STPG2: variants seen among roughly 807,000 people sequenced by gnomAD.
STPG2 encodes sperm tail PG-rich repeat containing 2, also known as sperm-tail PG-rich repeat-containing protein 2.
A neutral mutation model predicts 54.2 loss-of-function variants in STPG2; 56 were observed. The ratio of observed to expected loss-of-function variants is 1.03; its 90% confidence interval spans 0.83 to 1.29. The LOEUF is 1.29. STPG2 is among the 50% of genes most tolerant of loss of function. The pLI, the probability that STPG2 is intolerant of heterozygous loss-of-function variation, is 0.00. For missense variants in STPG2, 596 were observed against 544.9 expected, an observed-to-expected ratio of 1.09 and a Z score of -0.93; for synonymous variants, 200 against 181.8, an observed-to-expected ratio of 1.10 and a Z score of -0.81.
At chr4:97,601,557 G>A (rs1250581994) in intron 10 of STPG2, among the ~76,000 whole-genome samples, 1 of 151,734 alleles carries the variant, frequency 6.6e-6, no homozygotes, top group Non-Finnish European at 1.5e-5. Context: ...TGATCTGTAA[G>A]TGGGACTTAT....
chr4:97,795,711 AC>A (rs1727149032), intron 9 of STPG2, among the ~76,000 whole-genome samples: 1 of 152,180 alleles, frequency 6.6e-6, no homozygotes, highest in Non-Finnish European at 1.5e-5. Flanking sequence ...TTGGGTATAT[AC>A]CCAGTAATGG....
intron 9 of STPG2, among the ~76,000 whole-genome samples, chr4:97,784,179 G>A (rs1365184328): frequency 6.6e-6 from 1 of 151,604 alleles, no homozygotes; most frequent in Non-Finnish European, 1.5e-5. Flanking sequence ...CTATCAATCA[G>A]CCAAAAATGA....
intron 9 of STPG2, among the ~76,000 whole-genome samples, chr4:97,799,543 G>A (rs980547806): frequency 1.2e-4 from 19 of 152,144 alleles, no homozygotes; most frequent in Admixed American, 2.0e-4. Flanking sequence ...AGTTTCTGCC[G>A]AGAGATCCGC....
intron 5 of STPG2, among the ~76,000 whole-genome samples, chr4:97,998,368 C>T (rs1002318039): frequency 6.6e-6 from 1 of 152,182 alleles, no homozygotes; most frequent in South Asian, 2.1e-4. Context: ...TTACAGCCAA[C>T]CCCTCTGAGG....
intron 6 of STPG2, among the ~76,000 whole-genome samples, chr4:97,974,800 C>T (rs1478556128): frequency 3.3e-5 from 5 of 151,882 alleles, no homozygotes; most frequent in Admixed American, 6.6e-5. Flanking sequence ...TGCCCAGTCT[C>T]GGGAACGTCT....
chr4:98,125,399 T>G lies in STPG2; in HGVS notation c.387+3029A>C, dbSNP rs760147608. ...TGTTGATGTTGTTGTTGTTGCTGTT[T>G]GTTTGTCTCTTAACATCAGGGCCCT... On this transcript the variant is annotated intron_variant, in intron 3 of 10. Transcript: ENST00000295268. Among the ~76,000 whole-genome samples, 3 of 151,884 alleles carry G rather than the reference T, an allele frequency of 2.0e-5. No homozygotes were observed. In the East Asian group the frequency reaches 5.8e-4, roughly 29 times the overall value.
At chr4:98,108,570 G>A (rs943521324) in intron 4 of STPG2, among the ~76,000 whole-genome samples, 5 of 152,132 alleles carry the variant, frequency 3.3e-5, no homozygotes, top group African/African-American at 1.2e-4. Flanking sequence ...GGATAAAATG[G>A]AGAATTCTGG....
chr4:97,472,623 T>C (rs1729965357), intron 4 of STPG2, among the ~76,000 whole-genome samples: 1 of 152,194 alleles, frequency 6.6e-6, no homozygotes, highest in Admixed American at 6.5e-5. Context: ...ATTACCTAAT[T>C]ATTAACTGTG....
chr4:97,849,727 T>A (rs1729090003), intron 8 of STPG2, among the ~76,000 whole-genome samples: 1 of 151,708 alleles, frequency 6.6e-6, no homozygotes, highest in South Asian at 2.1e-4. Flanking sequence ...TGAGATACCA[T>A]CTCACACCAG....
At chr4:97,673,247 C>T (rs1488364231) in intron 10 of STPG2, among the ~76,000 whole-genome samples, 2 of 152,260 alleles carry the variant, frequency 1.3e-5, no homozygotes, top group South Asian at 4.1e-4. Context: ...AACAACAGCA[C>T]TTAACAATTT....
chr4:97,941,135 T>C (rs1432923496), intron 8 of STPG2, among the ~76,000 whole-genome samples: 2 of 152,106 alleles, frequency 1.3e-5, no homozygotes, highest in Non-Finnish European at 2.9e-5. Context: ...CACCATCTCC[T>C]AGCCTTGAAA....
At chr4:97,535,452 C>A (rs1731506882) in intron 4 of STPG2, among the ~76,000 whole-genome samples, 1 of 152,138 alleles carries the variant, frequency 6.6e-6, no homozygotes, top group South Asian at 2.1e-4. Context: ...GCAGTGAATT[C>A]TCTGAACTTT....
rs1480906079 is a variant in STPG2 at position 97,948,993 on chromosome 4, C to G, written c.934-4986G>C. On this transcript the variant is annotated intron_variant, in intron 7 of 10. Coordinates refer to ENST00000295268, the MANE Select transcript of STPG2 (RefSeq NM_174952.3). ...AATTTCTGTCTCAGTCATCTGTATA[C>G]TGCTGTCAATGGGGTGTTGAAGTCC... is the stretch of plus-strand genomic sequence containing the variant. Among the ~76,000 whole-genome samples, 4 of 152,012 alleles carry G rather than the reference C, an allele frequency of 2.6e-5. No individual in the cohort carries two copies. In the South Asian group the frequency reaches 6.2e-4, roughly 24 times the overall value.
intron 7 of STPG2, among the ~76,000 whole-genome samples, chr4:97,968,507 C>A (rs1734200109): frequency 6.6e-6 from 1 of 152,158 alleles, no homozygotes; most frequent in African/African-American, 2.4e-5. Context: ...AGACCAATAT[C>A]CCTGATGAAC....
chr4:97,823,596 T>G (rs577884476), intron 9 of STPG2, among the ~76,000 whole-genome samples: 2 of 152,204 alleles, frequency 1.3e-5, no homozygotes, highest in Non-Finnish European at 2.9e-5. Context: ...ACTCTGTGGA[T>G]TCACCTTGAA....
chr4:97,503,653 C>A (rs1046489092), intron 4 of STPG2, among the ~76,000 whole-genome samples: 2 of 150,812 alleles, frequency 1.3e-5, no homozygotes, highest in Non-Finnish European at 3.0e-5. Flanking sequence ...AATTATAATG[C>A]AAATATCTCC....
rs367952709 is a variant in STPG2, at chr4:97,877,373, C to A, written c.1045-36441G>T. ...TGAACACACATTTCTCAAAAGAAGA[C>A]ACATAAATAATGTATTAGTTCACTT... On this transcript the variant is annotated intron_variant, in intron 8 of 10. Transcript: ENST00000295268. 2.0e-4 allele frequency among the ~76,000 whole-genome samples: 30 copies of A among 152,184 alleles called. 1 individual carries two copies. In the East Asian group the frequency reaches 4.4e-3, roughly 23 times the overall value.
At chr4:97,829,883 C>G (rs1210874125) in intron 9 of STPG2, among the ~76,000 whole-genome samples, 2 of 151,968 alleles carry the variant, frequency 1.3e-5, no homozygotes, top group African/African-American at 4.8e-5. Context: ...GTAAAAAGAA[C>G]AAATCTACGT....
At chr4:97,792,082 A>C (rs1159653368) in intron 9 of STPG2, among the ~76,000 whole-genome samples, 1 of 152,240 alleles carries the variant, frequency 6.6e-6, no homozygotes, top group African/African-American at 2.4e-5. Context: ...TGGAAGTCTG[A>C]AATCAGTGGA....
Sources: allele counts gnomAD v4.1 joint callset (sites outside exome capture counted in the v4.1 genomes callset), GRCh38; gene constraint gnomAD v4.1.1; transcripts MANE v1.5; gene names NCBI Gene and HGNC (gene_info 2026-07-23, HGNC 2026-07-21).